CSMD1: variants seen among roughly 807,000 people sequenced by gnomAD.
CSMD1 encodes CUB and sushi domain-containing protein 1.
Under a neutral mutation model 417.5 loss-of-function variants are expected in CSMD1, and 213 were observed. The observed-to-expected ratio is 0.51, with a 90% confidence interval of 0.46 to 0.57. The LOEUF is 0.57. Ranked by LOEUF, CSMD1 falls within the 20% of genes least tolerant of loss-of-function variation. The probability of loss-of-function intolerance (pLI) is 0.00; values close to 1 mark genes in which losing one functional copy is unlikely to be tolerated. For missense variants in CSMD1, 6,923 were observed against 4,529.7 expected (o/e 1.53, Z -15.17); for synonymous variants, 2,862 against 1,736.8 (o/e 1.65, Z -16.11).
chr8:4,003,709 T>A (rs189083532), intron 4 of CSMD1, among the ~76,000 whole-genome samples: 18 of 152,308 alleles, frequency 1.2e-4, no homozygotes, highest in African/African-American at 4.3e-4. Context: ...ATTAACACAG[T>A]GCTTCAGGCG....
intron 2 of CSMD1, among the ~76,000 whole-genome samples, chr8:4,559,702 A>C (rs1437279322): frequency 6.6e-6 from 1 of 152,260 alleles, no homozygotes; most frequent in African/African-American, 2.4e-5. Context: ...CTAAACAGCA[A>C]AGATGCTGCG....
intron 3 of CSMD1, among the ~76,000 whole-genome samples, chr8:4,173,598 A>C (rs1218115301): frequency 6.6e-6 from 1 of 152,168 alleles, no homozygotes; most frequent in African/African-American, 2.4e-5. Flanking sequence ...CTGGGTTTAA[A>C]AGTTATTAGA....
At chr8:4,630,013 C>A (rs1330428180) in intron 2 of CSMD1, among the ~76,000 whole-genome samples, 1 of 152,048 alleles carries the variant, frequency 6.6e-6, no homozygotes, top group Non-Finnish European at 1.5e-5. Context: ...TACTTCTCTG[C>A]CCATATTAGT....
At chr8:4,292,990 T>C (rs1202285789) in intron 3 of CSMD1, among the ~76,000 whole-genome samples, 3 of 152,184 alleles carry the variant, frequency 2.0e-5, no homozygotes, top group Non-Finnish European at 2.9e-5. Flanking sequence ...CAGTCTCTTT[T>C]CTTCAGGTGC....
chr8:3,734,801 G>A (rs1293091595), intron 6 of CSMD1, among the ~76,000 whole-genome samples: 3 of 152,214 alleles, frequency 2.0e-5, no homozygotes, highest in African/African-American at 4.8e-5. Flanking sequence ...ACTGGGTGCT[G>A]AGGCCCCGTG....
intron 3 of CSMD1, among the ~76,000 whole-genome samples, chr8:4,376,058 C>A (rs1019023540): frequency 6.6e-6 from 1 of 152,062 alleles, no homozygotes; most frequent in African/African-American, 2.4e-5. Context: ...TATACTGAAG[C>A]TAGAGAAGAA....
At chr8:4,725,674 C>T (rs1282384571) in intron 1 of CSMD1, among the ~76,000 whole-genome samples, 1 of 152,148 alleles carries the variant, frequency 6.6e-6, no homozygotes, top group Non-Finnish European at 1.5e-5. Flanking sequence ...AGACAAATTC[C>T]AGCCTTGCTT....
intron 3 of CSMD1, among the ~76,000 whole-genome samples, chr8:4,194,141 G>C (rs1410293355): frequency 6.6e-6 from 1 of 152,082 alleles, no homozygotes; most frequent in Non-Finnish European, 1.5e-5. Context: ...TGATAAAAAT[G>C]ACCAAGAAAA....
chr8:4,845,185 CATT>C (rs559282790), intron 1 of CSMD1, among the ~76,000 whole-genome samples: 41 of 152,196 alleles, frequency 2.7e-4, no homozygotes, highest in African/African-American at 9.6e-4. Flanking sequence ...GAGTATAACA[CATT>C]ATTACACAAA....
chr8:4,182,952 G>A (rs917246679), intron 3 of CSMD1, among the ~76,000 whole-genome samples: 2 of 152,060 alleles, frequency 1.3e-5, no homozygotes, highest in Admixed American at 6.6e-5. Flanking sequence ...GAAGATAATG[G>A]CCAATAAAGA....
At position 4,788,265 on chromosome 8, in the gene CSMD1, G is replaced by A. The variant is rs183615511; in HGVS notation, c.86-150707C>T. Reference sequence around the variant, plus strand: ...GAGGGTTAAAGCTGAGTATGAAAGGGATGGCATTCCTACTGTATTTGTGGC... The same window carrying A: ...GAGGGTTAAAGCTGAGTATGAAAGGAATGGCATTCCTACTGTATTTGTGGC... On this transcript the variant is annotated intron_variant, in intron 1 of 69. Transcript: ENST00000635120. The A allele has an allele frequency of 5.0e-5, 80 of 1,586,446 alleles. No homozygotes were observed. The African/African-American group carries it at 6.6e-4, about 13-fold the overall frequency.
Position 3,730,191 on chromosome 8 carries a change from G to A in CSMD1, c.932-21700C>T, listed in dbSNP as rs111414994. ...TTCCCCCAAAATCATGTCTCCAACA[G>A]GTAGGCAGAGAATGAGGCTTCCAGT... is the stretch of plus-strand genomic sequence containing the variant. On this transcript the variant is annotated intron_variant, in intron 6 of 69. Transcript: ENST00000635120. 4.2e-3 allele frequency among the ~76,000 whole-genome samples: 642 copies of A among 152,096 alleles called. 4 individuals carry two copies. Among genetic ancestry groups the A allele is most frequent in the African/African-American group, 0.013 (559 of 41,456 alleles).
chr8:3,826,289 TG>T (rs1179790039), intron 5 of CSMD1, among the ~76,000 whole-genome samples: 1 of 151,942 alleles, frequency 6.6e-6, no homozygotes, highest in Non-Finnish European at 1.5e-5. Flanking sequence ...CCCAGGGTAA[TG>T]AAGGAGGTTG....
chr8:4,338,322 C>T (rs746648471), intron 3 of CSMD1, among the ~76,000 whole-genome samples: 14 of 152,204 alleles, frequency 9.2e-5, no homozygotes, highest in Non-Finnish European at 1.9e-4. Flanking sequence ...ACATTTACCT[C>T]GTATGTGATC....
At chr8:3,803,361 G>C (rs1800562377) in intron 5 of CSMD1, among the ~76,000 whole-genome samples, 1 of 152,164 alleles carries the variant, frequency 6.6e-6, no homozygotes, top group Admixed American at 6.5e-5. Flanking sequence ...GACAAGACTT[G>C]AATGGTAAGC....
At chr8:4,264,763 C>G (rs1461039085) in intron 3 of CSMD1, among the ~76,000 whole-genome samples, 1 of 152,094 alleles carries the variant, frequency 6.6e-6, no homozygotes, top group African/African-American at 2.4e-5. Flanking sequence ...CTAGAACGTT[C>G]TTTGGCCATT....
chr8:4,992,917 G>C (rs1811552518), intron 1 of CSMD1, among the ~76,000 whole-genome samples: 1 of 152,218 alleles, frequency 6.6e-6, no homozygotes, highest in Admixed American at 6.5e-5. Context: ...CCCTTGTGAG[G>C]GTGGATGCCG....
chr8:3,006,633 T>C (rs138318308), intron 52 of CSMD1, among the ~76,000 whole-genome samples: 1 of 148,642 alleles, frequency 6.7e-6, no homozygotes, highest in Non-Finnish European at 1.5e-5. Flanking sequence ...TCTACAACTA[T>C]CTGATCTTTG....
chr8:3,772,405 A>ACATATATACATACATT (rs1563064197), intron 5 of CSMD1, among the ~76,000 whole-genome samples: 2 of 58,368 alleles, frequency 3.4e-5, no homozygotes, highest in African/African-American at 1.9e-4. Flanking sequence ...ACACATATAT[A>ACATATATACATACATT]CATATATTTA....
Sources: gnomAD v4.1 joint callset for allele counts (sites outside exome capture counted in the v4.1 genomes callset) on GRCh38, gnomAD v4.1.1 for gene constraint, MANE v1.5 for transcripts, NCBI Gene and HGNC (gene_info 2026-07-23, HGNC 2026-07-21) for gene names.